Variants in AGAP1 observed in about 807,000 individuals in gnomAD.
AGAP1 encodes the protein arf-GAP with GTPase, ANK repeat and PH domain-containing protein 1.
A neutral mutation model predicts 105.3 loss-of-function variants in AGAP1; 29 were observed. That is an observed-to-expected ratio of 0.28 (90% CI 0.21 to 0.38). The LOEUF is 0.38. Among genes scored for constraint, AGAP1 ranks in the 10% least tolerant of loss-of-function variants. The pLI is 1.00. For synonymous variants in AGAP1, 509 were observed against 485.9 expected, an observed-to-expected ratio of 1.05 and a Z score of -0.63; for missense variants, 998 against 1,165.1, an observed-to-expected ratio of 0.86 and a Z score of 2.09.
At chr2:235,910,891 C>T (rs1237576996) in intron 11 of AGAP1, among the ~76,000 whole-genome samples, 1 of 71,658 alleles carries the variant, frequency 1.4e-5, no homozygotes, top group Non-Finnish European at 2.9e-5. Context: ...CTCCAGCCTG[C>T]GCGACAGAGT....
Position 235,879,233 on chromosome 2 carries a change from C to T in AGAP1, c.1051-4112C>T, listed in dbSNP as rs1238477768. ...TTGGGGAGCAGGGGACATGACTGCA[C>T]AGCCGGGCTGAGCATGGGGTAGTGC... is the stretch of plus-strand genomic sequence containing the variant. On this transcript the variant is annotated intron_variant, in intron 9 of 17. Transcript: ENST00000304032. This position sits in a 1 kb window ranked among gnomAD's most constrained non-coding sequence, Gnocchi z 5.0. Among the ~76,000 whole-genome samples the T allele has an allele frequency of 6.6e-6, 1 of 152,224 alleles. No individual in the cohort carries two copies. Among genetic ancestry groups the T allele is most frequent in the African/African-American group, 2.4e-5 (1 of 41,454 alleles).
chr2:236,099,574 C>T (rs775093057), intron 16 of AGAP1, among the ~76,000 whole-genome samples: 3 of 152,122 alleles, frequency 2.0e-5, no homozygotes, highest in African/African-American at 4.8e-5. Context: ...ATAGGGAGGC[C>T]GTAACATCAG....
intron 13 of AGAP1, among the ~76,000 whole-genome samples, chr2:236,015,667 G>T (rs1020386226): frequency 2.6e-5 from 4 of 152,114 alleles, no homozygotes; most frequent in Non-Finnish European, 5.9e-5. Context: ...GGCATCGGGC[G>T]TGTGATGCAA....
In AGAP1 at chr2:236,012,288, C is replaced by A. The variant is rs1357439101; in HGVS notation, c.1646-24273C>A. Reference sequence around the variant, plus strand: ...TCTGCACTCGGGCACCCCTCCCCTCCCGAGGGGTGCCCAGCCTCCATTCTG... The same window carrying A: ...TCTGCACTCGGGCACCCCTCCCCTCACGAGGGGTGCCCAGCCTCCATTCTG... On this transcript the variant is annotated intron_variant, in intron 13 of 17. Transcript: ENST00000304032. This position sits in a 1 kb window ranked among gnomAD's most constrained non-coding sequence, Gnocchi z 4.9. Among the ~76,000 whole-genome samples, 1 of 151,986 alleles carries A rather than the reference C, an allele frequency of 6.6e-6. No individual in the cohort carries two copies. The highest frequency in any genetic ancestry group is 1.5e-5 in the Non-Finnish European group (1 of 67,994).
rs1421657077 is a variant in AGAP1, at chr2:235,620,412, C to T, written c.164-88767C>T. 1.3e-5 allele frequency among the ~76,000 whole-genome samples: 2 copies of T among 152,204 alleles called. No homozygotes were observed. Among genetic ancestry groups the T allele is most frequent in the African/African-American group, 2.4e-5 (1 of 41,458 alleles). ...TCTGCCAAAACCTCCTCCTGGCCCT[C>T]GCCTTCTGCCACTCTCCCCTTGCTC... On this transcript the variant is annotated intron_variant, in intron 1 of 17. Transcript: ENST00000304032. This position sits in a 1 kb window ranked among gnomAD's most constrained non-coding sequence, Gnocchi z 4.5.
chr2:235,701,652 T>C lies in AGAP1; in HGVS notation c.164-7527T>C, dbSNP rs1173389523. Among the ~76,000 whole-genome samples the C allele has an allele frequency of 6.6e-6, 1 of 152,226 alleles. No homozygotes were observed. Among genetic ancestry groups the C allele is most frequent in the Admixed American group, 6.5e-5 (1 of 15,284 alleles). The stretch of plus-strand genomic sequence containing the variant: ...AAGGATTTCCAAATAAGAAATTAAA[T>C]CCTACCATTGAAACTGTGCTGGTGA... On this transcript the variant is annotated intron_variant, in intron 1 of 17. Transcript: ENST00000304032. This position sits in a 1 kb window ranked among gnomAD's most constrained non-coding sequence, Gnocchi z 4.1.
chr2:235,918,044 G>A lies in AGAP1; in HGVS notation c.1324+9138G>A, dbSNP rs79424242. On this transcript the variant is annotated intron_variant, in intron 11 of 17. Transcript: ENST00000304032. ...AACATTATAATAACTCTGGAGTCCG[G>A]AGTCTGTTGTGGGCCCTGGATGAGC... is the stretch of plus-strand genomic sequence containing the variant. 6.0e-3 allele frequency among the ~76,000 whole-genome samples: 909 copies of A among 152,338 alleles called. 11 individuals are homozygous for A. The highest frequency in any genetic ancestry group is 0.01 in the Non-Finnish European group (699 of 68,036).
At chr2:236,037,898 G>T (rs1288798687) in intron 14 of AGAP1, among the ~76,000 whole-genome samples, 4 of 152,168 alleles carry the variant, frequency 2.6e-5, no homozygotes, top group Non-Finnish European at 4.4e-5. Flanking sequence ...GAGAAAGGAT[G>T]TTACCCACCG....
intron 13 of AGAP1, among the ~76,000 whole-genome samples, chr2:236,004,043 G>A (rs567565983): frequency 1.3e-5 from 2 of 152,102 alleles, no homozygotes; most frequent in African/African-American, 2.4e-5. Context: ...TGGGCACCTC[G>A]TATCTTGTGC....
chr2:235,518,713 A>G (rs1160341739), intron 1 of AGAP1, among the ~76,000 whole-genome samples: 2 of 152,252 alleles, frequency 1.3e-5, no homozygotes, highest in African/African-American at 4.8e-5. Flanking sequence ...AACAAAAAAA[A>G]TTAATGCTTG....
chr2:236,023,839 G>A lies in AGAP1; in HGVS notation c.1646-12722G>A, dbSNP rs143879402. 5.8e-3 allele frequency among the ~76,000 whole-genome samples: 882 copies of A among 152,192 alleles called. 5 individuals are homozygous for A. The highest frequency in any genetic ancestry group is 0.02 in the African/African-American group (833 of 41,524). On this transcript the variant is annotated intron_variant, in intron 13 of 17. Coordinates refer to ENST00000304032, the MANE Select transcript of AGAP1 (RefSeq NM_001037131.3). The stretch of plus-strand genomic sequence containing the variant: ...ACAGAACACTGGATGGGCCTCAGGA[G>A]CCTGGATTTCAGGCTATAGGGCACC...
intron 10 of AGAP1, among the ~76,000 whole-genome samples, chr2:235,897,123 C>A (rs774677438): frequency 6.6e-6 from 1 of 152,076 alleles, no homozygotes; most frequent in Non-Finnish European, 1.5e-5. Context: ...TGCTCTGTTG[C>A]CCAGGCTGGA....
intron 9 of AGAP1, among the ~76,000 whole-genome samples, chr2:235,807,741 A>G (rs1292258822): frequency 1.2e-4 from 18 of 152,188 alleles, no homozygotes; most frequent in Admixed American, 1.2e-3. Context: ...ACATCTGAAC[A>G]CTGTTTCAGG....
chr2:235,562,991 T>C (rs1233311349), intron 1 of AGAP1, among the ~76,000 whole-genome samples: 1 of 152,040 alleles, frequency 6.6e-6, no homozygotes, highest in Non-Finnish European at 1.5e-5. Context: ...GCCCAGGAAG[T>C]CAAGGTTGCA....
At chr2:236,022,046 C>T (rs1300991190) in intron 13 of AGAP1, among the ~76,000 whole-genome samples, 1 of 116,558 alleles carries the variant, frequency 8.6e-6, no homozygotes, top group Non-Finnish European at 1.7e-5. Context: ...GCGACAGAGA[C>T]CCTGTCTCAA....
intron 3 of AGAP1, among the ~76,000 whole-genome samples, chr2:235,735,125 A>G (rs148469516): frequency 0.019 from 2,872 of 151,776 alleles, 80 homozygotes; most frequent in African/African-American, 0.059. Flanking sequence ...GCGGGCTAAC[A>G]GAGATGATGT....
intron 16 of AGAP1, among the ~76,000 whole-genome samples, chr2:236,108,834 C>T (rs1335666251): frequency 6.6e-6 from 1 of 152,116 alleles, no homozygotes; most frequent in African/African-American, 2.4e-5. Context: ...AGGTGGACGT[C>T]TGGCTGCCCG....
At chr2:235,671,235 T>C (rs1167938865) in intron 1 of AGAP1, among the ~76,000 whole-genome samples, 1 of 152,210 alleles carries the variant, frequency 6.6e-6, no homozygotes, top group Non-Finnish European at 1.5e-5. Context: ...GTTTTCTGGC[T>C]GCCCCTGCGC....
intron 1 of AGAP1, among the ~76,000 whole-genome samples, chr2:235,686,632 T>TAG (rs1949425859): frequency 3.9e-5 from 2 of 50,752 alleles, no homozygotes; most frequent in African/African-American, 9.9e-5. Flanking sequence ...TATATATATA[T>TAG]ATATATATAT....
Sources: allele counts gnomAD v4.1 joint callset (sites outside exome capture counted in the v4.1 genomes callset), GRCh38; gene constraint gnomAD v4.1.1; non-coding constraint Gnocchi (gnomAD v3.1); transcripts MANE v1.5; gene names NCBI Gene and HGNC (gene_info 2026-07-23, HGNC 2026-07-21).